FAM117A: variants seen among roughly 807,000 people sequenced by gnomAD.
FAM117A encodes the protein family with sequence similarity 117 member A, also known as protein FAM117A.
FAM117A carries 21 observed loss-of-function variants against 44.1 expected under a neutral mutation model. The ratio of observed to expected loss-of-function variants is 0.48; its 90% confidence interval spans 0.34 to 0.69. The LOEUF (loss-of-function observed/expected upper bound fraction) is 0.69. Ranked by LOEUF, FAM117A falls within the 30% of genes least tolerant of loss-of-function variation. FAM117A has a pLI of 0.01. For synonymous variants in FAM117A, 220 were observed against 238.3 expected (o/e 0.92, Z 0.71); for missense variants, 498 against 589.9 (o/e 0.84, Z 1.61).
chr17:49,716,066 G>T, intron 7 of FAM117A, 99 bp downstream of exon 7: 2 of 1,361,668 alleles, frequency 1.5e-6, no homozygotes, highest in Non-Finnish European at 2.0e-6. Context: ...ATCTAAAGTT[G>T]ACAACACCTC....
At chr17:49,740,762 C>A (rs987318505) in intron 1 of FAM117A, among the ~76,000 whole-genome samples, 2 of 152,144 alleles carry the variant, frequency 1.3e-5, no homozygotes, top group African/African-American at 4.8e-5. Context: ...TCCCAATATC[C>A]CTTGCTGAAA....
chr17:49,774,566 G>C (rs1175728888), intron 1 of FAM117A, among the ~76,000 whole-genome samples: 1 of 151,898 alleles, frequency 6.6e-6, no homozygotes, highest in Non-Finnish European at 1.5e-5. Context: ...CACCATGTTG[G>C]CCAGGATGGG....
intron 2 of FAM117A, chr17:49,724,582 C>T (rs2143715437): frequency 2.3e-6 from 1 of 434,510 alleles, no homozygotes; most frequent in South Asian, 1.6e-5. Context: ...CCTGTAATCC[C>T]AACACTTTGG....
At chr17:49,736,217 G>T (rs1273131193) in intron 1 of FAM117A, among the ~76,000 whole-genome samples, 1 of 151,042 alleles carries the variant, frequency 6.6e-6, no homozygotes, top group Non-Finnish European at 1.5e-5. Flanking sequence ...CATTTTAAAT[G>T]ATATTAACAT....
At chr17:49,765,813 T>G (rs1230742703), upstream of FAM117A, 1 of 152,246 alleles carries the variant, frequency 6.6e-6, no homozygotes, top group Non-Finnish European at 1.5e-5. Context: ...GCATTTATAT[T>G]GTTCCTCAAT....
intron 1 of FAM117A, among the ~76,000 whole-genome samples, chr17:49,743,772 G>A (rs1268319165): frequency 6.6e-6 from 1 of 151,488 alleles, no homozygotes; most frequent in East Asian, 1.9e-4. Context: ...AAGAAAAAAT[G>A]TTTTATTAGC....
At chr17:49,782,474 G>C (rs1444465365) in intron 1 of FAM117A, among the ~76,000 whole-genome samples, 1 of 148,274 alleles carries the variant, frequency 6.7e-6, no homozygotes, top group Non-Finnish European at 1.5e-5. Flanking sequence ...TAGATCACTT[G>C]AGACCACGAG....
chr17:49,788,830 C>T (rs2073842319), upstream of FAM117A: 1 of 1,585,072 alleles, frequency 6.3e-7, no homozygotes, highest in East Asian at 2.4e-5. Context: ...CCGCAGCCGC[C>T]GGCAATGCCG....
chr17:49,717,516 T>A lies in FAM117A; in HGVS notation c.907A>T (p.Lys303Ter). The A allele has an allele frequency of 1.2e-6, 2 of 1,613,898 alleles. No individual in the cohort carries two copies. Among genetic ancestry groups the A allele is most frequent in the Non-Finnish European group, 1.7e-6 (2 of 1,179,930 alleles). Residue 303 changes from lysine to a stop codon, truncating the protein, a stop_gained, in exon 6 of 8, where the codon AAA (lysine) becomes TAA (stop). Transcript: ENST00000240364. LOFTEE classifies it high-confidence loss of function. ...TGCCTCAGCCTTCGCGGCTTACCTT[T>A]GTCGTTGGGGGTGGATGCCAGCTCC... ...AEELASTPNDKASSPGHPAFL... is the reference protein window; with the variant it reads ...AEELASTPND
At chr17:49,714,790 G>A (rs912214057) in intron 7 of FAM117A, among the ~76,000 whole-genome samples, 1 of 151,860 alleles carries the variant, frequency 6.6e-6, no homozygotes, top group African/African-American at 2.4e-5. Context: ...GGGATAACAG[G>A]TGCCTGCCAC....
intron 5 of FAM117A, among the ~76,000 whole-genome samples, chr17:49,718,447 T>C (rs1173460069): frequency 6.6e-6 from 1 of 151,660 alleles, no homozygotes; most frequent in Non-Finnish European, 1.5e-5. Context: ...GGCGGGCGGA[T>C]CACGAGGTCG....
At chr17:49,717,411 G>T (rs2073509274) in intron 6 of FAM117A, 102 bp downstream of exon 6, 2 of 885,244 alleles carry the variant, frequency 2.3e-6, no homozygotes, top group Non-Finnish European at 3.5e-6. Context: ...TTCTAGTAGG[G>T]TACTGAGAAT....
intron 2 of FAM117A, among the ~76,000 whole-genome samples, chr17:49,725,641 C>A (rs1199032359): frequency 6.6e-6 from 1 of 152,186 alleles, no homozygotes; most frequent in Non-Finnish European, 1.5e-5. Flanking sequence ...CCTGTGGCGG[C>A]AATGAGCCTG....
rs549856010 is a variant in FAM117A, at chr17:49,717,659, C to T, written c.764G>A (p.Cys255Tyr). The part of the protein sequence containing the change: ...RAPAPPQSGS[C>Y]DHPLLLLEPG... ...CTCCAGGAGGAGGAGGGGATGATCA[C>T]AGCTGCCACTCTGGGGAGGAGCTGG... The change falls in exon 6 of 8, where the codon TGT (cysteine) becomes TAT (tyrosine). Residue 255 changes from cysteine (C) to tyrosine (Y), a missense_variant. This residue lies in a region of FAM117A where 224 missense variants were observed against 296.5 expected (regional missense o/e 0.76). Transcript: ENST00000240364. 1.2e-6 allele frequency: 2 copies of T among 1,613,774 alleles called. No individual in the cohort carries two copies. The highest frequency in any genetic ancestry group is 1.7e-6 in the Non-Finnish European group (2 of 1,179,748).
At chr17:49,718,437 G>A (rs2073515581) in intron 5 of FAM117A, among the ~76,000 whole-genome samples, 1 of 152,124 alleles carries the variant, frequency 6.6e-6, no homozygotes. Flanking sequence ...GGGAGGCTGA[G>A]GCGGGCGGAT....
At chr17:49,735,688 C>T (rs2143741787) in intron 1 of FAM117A, among the ~76,000 whole-genome samples, 1 of 152,122 alleles carries the variant, frequency 6.6e-6, no homozygotes, top group East Asian at 1.9e-4. Flanking sequence ...TGGTCTTGAA[C>T]TCCTGGGCTC....
At chr17:49,755,290 C>G (rs1264731639) in intron 1 of FAM117A, among the ~76,000 whole-genome samples, 1 of 152,130 alleles carries the variant, frequency 6.6e-6, no homozygotes, top group East Asian at 1.9e-4. Context: ...ACCTCTGAAG[C>G]CATCCTAGGG....
chr17:49,722,950 C>T (rs1220433431), intron 2 of FAM117A, among the ~76,000 whole-genome samples: 2 of 152,192 alleles, frequency 1.3e-5, no homozygotes, highest in Non-Finnish European at 2.9e-5. Flanking sequence ...GGCTCAGGCT[C>T]CGGGAATCAC....
intron 1 of FAM117A, among the ~76,000 whole-genome samples, chr17:49,754,040 A>G (rs1457679109): frequency 6.6e-6 from 1 of 152,130 alleles, no homozygotes; most frequent in Non-Finnish European, 1.5e-5. Flanking sequence ...TTCTCTCCCC[A>G]GTTGCTAAAT....
Sources: gnomAD v4.1 joint callset for allele counts (sites outside exome capture counted in the v4.1 genomes callset) on GRCh38, gnomAD v4.1.1 for gene constraint, gnomAD v4.1.1 regional missense constraint, MANE v1.5 for transcripts, NCBI Gene and HGNC (gene_info 2026-07-23, HGNC 2026-07-21) for gene names.